ADAMTS12: variants seen among roughly 807,000 people sequenced by gnomAD.
ADAMTS12 encodes the protein A disintegrin and metalloproteinase with thrombospondin motifs 12.
Under a neutral mutation model 167.8 loss-of-function variants are expected in ADAMTS12, and 118 were observed. The observed-to-expected ratio is 0.70, with a 90% confidence interval of 0.61 to 0.82. The LOEUF (loss-of-function observed/expected upper bound fraction) is 0.82. ADAMTS12 is among the 40% of genes least tolerant of loss of function. ADAMTS12 has a pLI of 0.00. For missense variants in ADAMTS12, 1,916 were observed against 1,998.8 expected (o/e 0.96, Z 0.79); for synonymous variants, 704 against 716.9 (o/e 0.98, Z 0.29).
chr5:33,730,155 T>C (rs1045837036), intron 3 of ADAMTS12, among the ~76,000 whole-genome samples: 2 of 152,170 alleles, frequency 1.3e-5, no homozygotes, highest in Admixed American at 1.3e-4. Context: ...AAATATGAAA[T>C]CTGAATCTTT....
chr5:33,616,512 G>A (rs1010139361), intron 14 of ADAMTS12, among the ~76,000 whole-genome samples: 1 of 152,138 alleles, frequency 6.6e-6, no homozygotes, highest in African/African-American at 2.4e-5. Flanking sequence ...CTTGCCAGCA[G>A]GTTAAAGACA....
At chr5:33,775,009 T>A (rs1362142324) in intron 2 of ADAMTS12, among the ~76,000 whole-genome samples, 2 of 152,190 alleles carry the variant, frequency 1.3e-5, no homozygotes, top group Non-Finnish European at 2.9e-5. Flanking sequence ...AGTTCAAACC[T>A]ACTGAATCAG....
At chr5:33,712,861 G>A (rs954813895) in intron 3 of ADAMTS12, among the ~76,000 whole-genome samples, 10 of 152,022 alleles carry the variant, frequency 6.6e-5, no homozygotes, top group Non-Finnish European at 1.5e-4. Context: ...CTGGCTTTGG[G>A]GCTGCAAAGT....
chr5:33,717,212 G>A (rs923692524), intron 3 of ADAMTS12, among the ~76,000 whole-genome samples: 3 of 151,920 alleles, frequency 2.0e-5, no homozygotes, highest in African/African-American at 7.3e-5. Flanking sequence ...GCATCGTGAC[G>A]GATTTGCATG....
At chr5:33,842,868 G>A (rs1008234223) in intron 2 of ADAMTS12, among the ~76,000 whole-genome samples, 1 of 152,164 alleles carries the variant, frequency 6.6e-6, no homozygotes, top group African/African-American at 2.4e-5. Flanking sequence ...AGCCAGACTT[G>A]GTGAGCTCCA....
At chr5:33,864,055 C>G (rs1446658078) in intron 2 of ADAMTS12, among the ~76,000 whole-genome samples, 1 of 152,160 alleles carries the variant, frequency 6.6e-6, no homozygotes, top group Non-Finnish European at 1.5e-5. Context: ...AAAATTAACT[C>G]AAGATGGATT....
chr5:33,623,734 T>C (rs1739441643), intron 14 of ADAMTS12, among the ~76,000 whole-genome samples: 1 of 152,204 alleles, frequency 6.6e-6, no homozygotes, highest in African/African-American at 2.4e-5. Flanking sequence ...CCTGCCTTGC[T>C]TCTCTTTTGA....
At chr5:33,759,026 G>A (rs1254697231) in intron 2 of ADAMTS12, among the ~76,000 whole-genome samples, 3 of 152,178 alleles carry the variant, frequency 2.0e-5, no homozygotes, top group Admixed American at 6.5e-5. Context: ...ACTGAGTCTA[G>A]AAAAATCTGA....
intron 12 of ADAMTS12, among the ~76,000 whole-genome samples, chr5:33,634,642 C>A (rs1740107128): frequency 6.6e-6 from 1 of 152,066 alleles, no homozygotes; most frequent in Non-Finnish European, 1.5e-5. Context: ...AGTTTGAAAC[C>A]TTTGGCTAGT....
chr5:33,866,274 C>A (rs550182925), intron 2 of ADAMTS12, among the ~76,000 whole-genome samples: 59 of 151,998 alleles, frequency 3.9e-4, no homozygotes, highest in African/African-American at 1.4e-3. Context: ...AATAGAGAAC[C>A]CAGAAATAAA....
intron 19 of ADAMTS12, among the ~76,000 whole-genome samples, chr5:33,573,073 C>A (rs1746475533): frequency 6.6e-6 from 1 of 152,138 alleles, no homozygotes; most frequent in African/African-American, 2.4e-5. Flanking sequence ...AGGAGAACTA[C>A]AAACCACTGC....
chr5:33,543,049 C>T (rs1015601781), intron 22 of ADAMTS12, among the ~76,000 whole-genome samples: 1 of 152,204 alleles, frequency 6.6e-6, no homozygotes, highest in African/African-American at 2.4e-5. Flanking sequence ...TACAACAAAC[C>T]CTTCAAAAAC....
intron 3 of ADAMTS12, among the ~76,000 whole-genome samples, chr5:33,715,118 C>G (rs1278313501): frequency 6.6e-6 from 1 of 151,840 alleles, no homozygotes; most frequent in African/African-American, 2.4e-5. Context: ...GAGTGATGAT[C>G]CATTTTCAGG....
intron 22 of ADAMTS12, among the ~76,000 whole-genome samples, chr5:33,536,855 T>A (rs947541029): frequency 6.6e-6 from 1 of 152,244 alleles, no homozygotes; most frequent in Admixed American, 6.5e-5. Context: ...TCTTACAGCA[T>A]TTTTATGACT....
At chr5:33,728,708 G>A (rs1432887123) in intron 3 of ADAMTS12, among the ~76,000 whole-genome samples, 1 of 152,216 alleles carries the variant, frequency 6.6e-6, no homozygotes, top group African/African-American at 2.4e-5. Context: ...AGCTACCCCT[G>A]TAGAGAGCTC....
chr5:33,707,030 G>T (rs1290162819), intron 3 of ADAMTS12, among the ~76,000 whole-genome samples: 1 of 152,124 alleles, frequency 6.6e-6, no homozygotes, highest in African/African-American at 2.4e-5. Context: ...GTTTGTGGAT[G>T]ACATGATTGG....
intron 12 of ADAMTS12, among the ~76,000 whole-genome samples, chr5:33,631,502 T>A (rs917684361): frequency 6.6e-6 from 1 of 152,170 alleles, no homozygotes; most frequent in African/African-American, 2.4e-5. Flanking sequence ...GAAGCCAACC[T>A]GCTTATCATA....
rs1267116277 is a variant in ADAMTS12, at chr5:33,684,061, C to T, written c.635-6G>A. 1 of 1,555,602 alleles carries T rather than the reference C, an allele frequency of 6.4e-7. No homozygotes were observed. Among genetic ancestry groups the T allele is most frequent in the Non-Finnish European group, 8.7e-7 (1 of 1,151,702 alleles). On this transcript the variant is annotated splice_polypyrimidine_tract_variant and splice_region_variant and intron_variant, in intron 3 of 23. Transcript: ENST00000504830. Reference sequence around the variant, plus strand: ...CTGGGAGATGTTAACACTGTCTAAACAGTAAACAGAAGACAATGGTCTAAC... The same window carrying T: ...CTGGGAGATGTTAACACTGTCTAAATAGTAAACAGAAGACAATGGTCTAAC...
At position 33,760,748 on chromosome 5, in the gene ADAMTS12, T is replaced by C. The variant is rs373615738; in HGVS notation, c.490-9200A>G. 6.6e-5 allele frequency among the ~76,000 whole-genome samples: 10 copies of C among 152,160 alleles called. No homozygotes were observed. In the South Asian group the frequency reaches 8.3e-4, roughly 13 times the overall value. On this transcript the variant is annotated intron_variant, in intron 2 of 23. Coordinates refer to ENST00000504830, the MANE Select transcript of ADAMTS12 (RefSeq NM_030955.4). ...CCCCATAAATGACACCACCTGAAAA[T>C]ATGGCTCTTTGAAGCCCTGAGCAAA...
Sources: gnomAD v4.1 joint callset for allele counts (sites outside exome capture counted in the v4.1 genomes callset) on GRCh38, gnomAD v4.1.1 for gene constraint, MANE v1.5 for transcripts, NCBI Gene and HGNC (gene_info 2026-07-23, HGNC 2026-07-21) for gene names.